ATM: variants seen among roughly 807,000 people sequenced by gnomAD.
ATM encodes the protein ATM serine/threonine kinase.
In ATM, 308 loss-of-function variants were observed where a neutral mutation model predicts 387.0. The ratio of observed to expected loss-of-function variants is 0.80; its 90% CI spans 0.73 to 0.87. ATM has a LOEUF of 0.87. Ranked by LOEUF, ATM falls within the 40% of genes least tolerant of loss-of-function variation. ATM has a pLI of 0.00. For missense variants in ATM, 3,312 were observed against 3,560.9 expected, an observed-to-expected ratio of 0.93 and a Z score of 1.78; for synonymous variants, 1,156 against 1,187.3, an observed-to-expected ratio of 0.97 and a Z score of 0.54.
Position 108,254,342 on chromosome 11 carries a change from A to C in ATM, c.2124+303A>C, listed in dbSNP as rs4987953. Among the ~76,000 whole-genome samples, 2,162 of 152,312 alleles carry C rather than the reference A, an allele frequency of 0.014. 60 individuals carry two copies. Among genetic ancestry groups the C allele is most frequent in the African/African-American group, 0.048 (2,014 of 41,552 alleles). ...GATTATATGATGAAAAAAACCTCTA[A>C]ATACAAAGGAGGGAAATGTTACAGT... On this transcript the variant is annotated intron_variant, in intron 13 of 62. Transcript: ENST00000675843.
rs530221125 is a variant in ATM at position 108,307,218 on chromosome 11, C to T, written c.5675-679C>T. 3.3e-5 allele frequency among the ~76,000 whole-genome samples: 5 copies of T among 151,432 alleles called. No individual in the cohort carries two copies. The South Asian group carries it at 6.3e-4, about 19-fold the overall frequency. On this transcript the variant is annotated intron_variant, in intron 37 of 62. Transcript: ENST00000675843. The stretch of plus-strand genomic sequence containing the variant: ...AGGCTGGAGTGCAGTGGTGCAATCT[C>T]GGCTCACTGCAACCTCTGCCCCTCA...
rs994786635 is a variant in ATM at position 108,289,254 on chromosome 11, A to G, written c.4236+151A>G. ...ACATTCATTTACAAGTTTAAATGGT[A>G]TTTTACTTGTCAGCATTAATTGAAA... On this transcript the variant is annotated intron_variant, in intron 28 of 62. Coordinates refer to ENST00000675843, the MANE Select transcript of ATM (RefSeq NM_000051.4). 12 of 903,928 alleles carry G rather than the reference A, an allele frequency of 1.3e-5. No individual in the cohort carries two copies. The African/African-American group carries it at 1.7e-4, about 13-fold the overall frequency. 56.0% of individuals were successfully genotyped at this position (903,928 alleles called of 1,614,324 possible). A position where few individuals can be genotyped will look rare whatever the true frequency, so the allele number is the denominator to read the frequency against.
At chr11:108,322,492 A>G (rs548754630) in intron 45 of ATM, among the ~76,000 whole-genome samples, 3 of 152,328 alleles carry the variant, frequency 2.0e-5, no homozygotes, top group South Asian at 4.1e-4. Flanking sequence ...AATTATGTTT[A>G]GTAAACATTC....
At chr11:108,274,345 T>G (rs1057162471) in intron 22 of ATM, among the ~76,000 whole-genome samples, 58 of 151,524 alleles carry the variant, frequency 3.8e-4, no homozygotes, top group East Asian at 1.9e-4. Context: ...AAGGTTTTTT[T>G]TGTGTGTGTG....
chr11:108,250,631 C>T (rs2135312822), intron 9 of ATM, 70 bp from the exon 10 acceptor site: 9 of 1,449,860 alleles, frequency 6.2e-6, no homozygotes, highest in Non-Finnish European at 8.6e-6. Context: ...AGTACCATGT[C>T]TATATATTTC....
Position 108,256,322 on chromosome 11 carries a change from A to G in ATM, c.2232A>G (p.Glu744=), listed in dbSNP as rs2080482588. 6.2e-7 allele frequency: 1 copy of G among 1,610,800 alleles called. No homozygotes were observed. Among genetic ancestry groups the G allele is most frequent in the Non-Finnish European group, 8.5e-7 (1 of 1,177,846 alleles). Residue 744 remains glutamate, a synonymous_variant, in exon 14 of 63, where the codon GAA becomes GAG. Coordinates refer to ENST00000675843, the MANE Select transcript of ATM (RefSeq NM_000051.4). ...CTGAAGAGGAAGCATATAAGTCAGA[A>G]TTATTCCAGAAAGCCAAGGTAGGAG... ...VIAEEEAYKS[E]LFQKAKSLMQ...
At chr11:108,293,919 A>ATATATATATATATATATATG (rs1397910875) in intron 31 of ATM, among the ~76,000 whole-genome samples, 8 of 116,980 alleles carry the variant, frequency 6.8e-5, no homozygotes, top group African/African-American at 2.5e-4. Context: ...ATATATATAT[A>ATATATATATATATATATATG]TGTGTGTGTA....
Position 108,252,025 on chromosome 11 carries a change from T to C in ATM, c.1796T>C (p.Leu599Pro), listed in dbSNP as rs1555072082. 1.2e-6 allele frequency: 2 copies of C among 1,611,716 alleles called. No homozygotes were observed. Among genetic ancestry groups the C allele is most frequent in the Non-Finnish European group, 1.7e-6 (2 of 1,179,440 alleles). Residue 599 changes from leucine to proline, a missense_variant, in exon 11 of 63, where the codon CTT (leucine) becomes CCT (proline). Leu to Pro is a moderately conservative substitution (Grantham distance 98). This residue lies in a region of ATM where 1,791 missense variants were observed against 1,804.5 expected (regional missense o/e 0.99). Coordinates refer to ENST00000675843, the MANE Select transcript of ATM (RefSeq NM_000051.4). ...LENSTEVPPI[L>P]HSNFPHLVLE... ...AATAGCACAGAAGTGCCTCCAATTC[T>C]TCACAGGTAATTTAAGTTCATTAGC...
rs904803355 is a variant in ATM, at chr11:108,330,137, G to A, written c.7308-77G>A. The A allele has an allele frequency of 3.4e-6, 5 of 1,483,778 alleles. No homozygotes were observed. The African/African-American group carries it at 4.2e-5, about 12-fold the overall frequency. The allele number at this position is 1,483,778 out of a possible 1,614,324, so 91.9% of individuals were successfully genotyped here. On this transcript the variant is annotated intron_variant, in intron 49 of 62. Coordinates refer to ENST00000675843, the MANE Select transcript of ATM (RefSeq NM_000051.4). ...AAAAACCCAACTTTTTTCATTAAATGTTGTATATCATGTGTGATTTTGTAG... is the reference window on the plus strand; with the variant it reads ...AAAAACCCAACTTTTTTCATTAAATATTGTATATCATGTGTGATTTTGTAG...
intron 40 of ATM, among the ~76,000 whole-genome samples, chr11:108,314,403 G>A (rs2084432930): frequency 6.6e-6 from 1 of 152,022 alleles, no homozygotes; most frequent in African/African-American, 2.4e-5. Context: ...ACTGCACCCA[G>A]CCCATGTACA....
At chr11:108,262,001 G>A (rs1404573118) in intron 16 of ATM, among the ~76,000 whole-genome samples, 25 of 152,288 alleles carry the variant, frequency 1.6e-4, no homozygotes, top group Non-Finnish European at 2.2e-4. Context: ...CCAAATCTAC[G>A]TCTGATTGGT....
At chr11:108,291,088 T>C (rs2082767313) in intron 29 of ATM, among the ~76,000 whole-genome samples, 2 of 151,820 alleles carry the variant, frequency 1.3e-5, no homozygotes, top group South Asian at 4.1e-4. Context: ...ACAAAAAAAT[T>C]AGCCAGGTGT....
chr11:108,290,201 T>C (rs1185070319), intron 29 of ATM: 1 of 156,526 alleles, frequency 6.4e-6, no homozygotes, highest in Non-Finnish European at 1.4e-5. Flanking sequence ...TTCTAAGAGG[T>C]AGATACCAGA....
At position 108,268,590 on chromosome 11, in the gene ATM, A is replaced by T. The variant is rs762078586; in HGVS notation, c.2819A>T (p.Lys940Ile). Residue 940 changes from lysine (K) to isoleucine (I), a missense_variant, in exon 18 of 63, where the codon AAA becomes ATA. By Grantham distance (102) the Lys-to-Ile change is moderately radical. This residue lies in a region of ATM where 1,791 missense variants were observed against 1,804.5 expected (regional missense o/e 0.99). Coordinates refer to ENST00000675843, the MANE Select transcript of ATM (RefSeq NM_000051.4). ...GATTCTAGCACGCTAGAACCTACCA[A>T]ATCCCTCCACCTGCATATGGTGAGT... ...LIDSSTLEPT[K>I]SLHLHMYLML... 3 of 1,614,012 alleles carry T rather than the reference A, an allele frequency of 1.9e-6. No individual in the cohort carries two copies. Among genetic ancestry groups the T allele is most frequent in the African/African-American group, 2.7e-5 (2 of 75,038 alleles).
At chr11:108,324,516 T>G (rs1240440196) in intron 45 of ATM, among the ~76,000 whole-genome samples, 2 of 152,142 alleles carry the variant, frequency 1.3e-5, no homozygotes, top group African/African-American at 4.8e-5. Context: ...TGTTTGATTG[T>G]AAAGGAGTTC....
chr11:108,338,893 G>C (rs543174283), intron 56 of ATM, among the ~76,000 whole-genome samples: 1 of 152,164 alleles, frequency 6.6e-6, no homozygotes, highest in African/African-American at 2.4e-5. Flanking sequence ...CTACAGCGAA[G>C]TAGTCTACCC....
At chr11:108,277,582 C>A (rs148526896) in intron 22 of ATM, among the ~76,000 whole-genome samples, 367 of 152,290 alleles carry the variant, frequency 2.4e-3, no homozygotes, top group African/African-American at 8.4e-3. Flanking sequence ...CCATTCCTCA[C>A]AGCATAGCCC....
At chr11:108,348,782 A>G (rs889850593) in intron 59 of ATM, among the ~76,000 whole-genome samples, 13 of 152,096 alleles carry the variant, frequency 8.5e-5, no homozygotes, top group Admixed American at 3.9e-4. Context: ...CTATAAAACA[A>G]AGAAGAAAAC....
intron 27 of ATM, among the ~76,000 whole-genome samples, chr11:108,288,501 C>CTTTTTTTTTTT (rs35604622): frequency 1.6e-5 from 2 of 126,718 alleles, no homozygotes. Context: ...ATATGCTTTA[C>CTTTTTTTTTTT]TTTTTTTTTT....
Sources: gnomAD v4.1 joint callset for allele counts (sites outside exome capture counted in the v4.1 genomes callset) on GRCh38, gnomAD v4.1.1 for gene constraint, gnomAD v4.1.1 regional missense constraint, MANE v1.5 for transcripts, NCBI Gene and HGNC (gene_info 2026-07-23, HGNC 2026-07-21) for gene names.